The following GALNT13 variants were observed in gnomAD, a reference collection of about 807,000 sequenced individuals.
GALNT13 encodes UDP-GalNAc:polypeptide N-acetylgalactosaminyltransferase 13.
In GALNT13, 28 loss-of-function variants were observed where a neutral mutation model predicts 64.2. That is an observed-to-expected ratio of 0.44 (90% CI 0.32 to 0.60). GALNT13 has a LOEUF of 0.60. Among genes scored for constraint, GALNT13 ranks in the 20% least tolerant of loss-of-function variants. The probability of loss-of-function intolerance (pLI) is 0.05; values close to 1 mark genes in which losing one functional copy is unlikely to be tolerated. For missense variants in GALNT13, 577 were observed against 669.8 expected (o/e 0.86, Z 1.53); for synonymous variants, 214 against 224.6 (o/e 0.95, Z 0.42).
At chr2:154,196,517 G>A (rs1018135348) in intron 4 of GALNT13, among the ~76,000 whole-genome samples, 15 of 152,132 alleles carry the variant, frequency 9.9e-5, no homozygotes, top group Non-Finnish European at 1.9e-4. Flanking sequence ...GCTATTCATA[G>A]ATTCAGAGGC....
chr2:154,298,170 A>G (rs560587363), intron 8 of GALNT13, among the ~76,000 whole-genome samples: 2 of 151,874 alleles, frequency 1.3e-5, no homozygotes, highest in South Asian at 2.1e-4. Context: ...AAAAATGGAT[A>G]AACATATAAG....
intron 8 of GALNT13, among the ~76,000 whole-genome samples, chr2:154,272,299 G>A (rs1319216628): frequency 2.0e-5 from 3 of 152,020 alleles, no homozygotes; most frequent in African/African-American, 7.2e-5. Context: ...CAGATACAAG[G>A]ATATTTTAAA....
chr2:153,579,286 T>C, the GALNT13 span, among the ~76,000 whole-genome samples: 1 of 152,100 alleles, frequency 6.6e-6, no homozygotes, highest in Non-Finnish European at 1.5e-5. Context: ...CAGATTTTTT[T>C]TTTCTAATAT....
chr2:154,131,023 G>A (rs139862667), intron 3 of GALNT13, among the ~76,000 whole-genome samples: 848 of 152,240 alleles, frequency 5.6e-3, no homozygotes, highest in Middle Eastern at 0.014. Flanking sequence ...GGGAAGATAA[G>A]GATATTTCCT....
the GALNT13 span, among the ~76,000 whole-genome samples, chr2:153,749,860 C>G: frequency 4.0e-5 from 6 of 151,834 alleles, no homozygotes; most frequent in Non-Finnish European, 1.5e-5. Flanking sequence ...ACAACCAATA[C>G]TATATTGAAT....
chr2:154,097,169 A>G lies in GALNT13; in HGVS notation c.143-43168A>G, dbSNP rs1217221451. 3.3e-5 allele frequency among the ~76,000 whole-genome samples: 5 copies of G among 152,026 alleles called. 1 individual carries two copies. In the South Asian group the frequency reaches 1.0e-3, roughly 31 times the overall value. On this transcript the variant is annotated intron_variant, in intron 3 of 12. Coordinates refer to ENST00000392825, the MANE Select transcript of GALNT13 (RefSeq NM_052917.4). ...TAATGCTAAACTATTGTTTCAATGA[A>G]GTGTTATCGAGTGCTTACTATGTTC...
the GALNT13 span, among the ~76,000 whole-genome samples, chr2:153,109,633 C>A: frequency 3.3e-5 from 5 of 152,114 alleles, no homozygotes; most frequent in African/African-American, 1.2e-4. Context: ...ACTGATCTTC[C>A]TAAGCTATTG....
chr2:153,907,373 C>T lies in GALNT13; in HGVS notation c.-105+6366C>T, dbSNP rs142808106. On this transcript the variant is annotated intron_variant, in intron 2 of 12. Coordinates refer to ENST00000392825, the MANE Select transcript of GALNT13 (RefSeq NM_052917.4). ...TGTATCATATACATATAATTACATA[C>T]ATAATAATACATACATATTATATAC... is the stretch of plus-strand genomic sequence containing the variant. Among the ~76,000 whole-genome samples the T allele has an allele frequency of 6.5e-3, 986 of 151,802 alleles. 8 individuals are homozygous for T. Among genetic ancestry groups the T allele is most frequent in the African/African-American group, 0.022 (913 of 41,430 alleles).
At chr2:153,361,571 A>G in the GALNT13 span, among the ~76,000 whole-genome samples, 3 of 152,052 alleles carry the variant, frequency 2.0e-5, no homozygotes, top group African/African-American at 7.2e-5. Context: ...AACCTCATAA[A>G]GCATACACAA....
chr2:153,170,721 C>A, the GALNT13 span, among the ~76,000 whole-genome samples: 11 of 152,150 alleles, frequency 7.2e-5, no homozygotes, highest in Non-Finnish European at 1.2e-4. Context: ...CATTATCTAA[C>A]AAATGTTACC....
intron 4 of GALNT13, among the ~76,000 whole-genome samples, chr2:154,186,920 T>C (rs894102573): frequency 2.0e-5 from 3 of 152,082 alleles, no homozygotes; most frequent in African/African-American, 4.8e-5. Flanking sequence ...ATTGAGAAAG[T>C]ATCTTTCTGA....
At chr2:153,141,468 C>T in the GALNT13 span, among the ~76,000 whole-genome samples, 1 of 152,004 alleles carries the variant, frequency 6.6e-6, no homozygotes, top group Non-Finnish European at 1.5e-5. Context: ...GGCCTCCAGA[C>T]TTCTCAGCTG....
chr2:154,450,322 A>C, intron 12 of GALNT13, 89 bp from the exon 13 acceptor site: 1 of 1,185,870 alleles, frequency 8.4e-7, no homozygotes, highest in Non-Finnish European at 1.2e-6. Flanking sequence ...AAAAATCATA[A>C]AGGATTTTTT....
chr2:153,210,924 A>G, the GALNT13 span, among the ~76,000 whole-genome samples: 1 of 152,180 alleles, frequency 6.6e-6, no homozygotes, highest in Non-Finnish European at 1.5e-5. Flanking sequence ...TAACAATATA[A>G]TAGTAATAAT....
At chr2:153,699,370 G>T in the GALNT13 span, among the ~76,000 whole-genome samples, 1 of 152,060 alleles carries the variant, frequency 6.6e-6, no homozygotes, top group Non-Finnish European at 1.5e-5. Flanking sequence ...AGCACTAAAT[G>T]CCCTTATCAG....
intron 2 of GALNT13, among the ~76,000 whole-genome samples, chr2:153,921,888 G>T (rs1689783243): frequency 6.6e-6 from 1 of 151,604 alleles, no homozygotes; most frequent in Non-Finnish European, 1.5e-5. Context: ...AAAAGACTAT[G>T]GATGGCAAAT....
the GALNT13 span, among the ~76,000 whole-genome samples, chr2:153,631,818 C>A: frequency 9.9e-5 from 15 of 152,248 alleles, no homozygotes; most frequent in Admixed American, 8.5e-4. Flanking sequence ...TTAATTAGAT[C>A]CCATTTGTCA....
At chr2:153,687,297 T>C in the GALNT13 span, among the ~76,000 whole-genome samples, 1 of 152,010 alleles carries the variant, frequency 6.6e-6, no homozygotes, top group African/African-American at 2.4e-5. Flanking sequence ...TGATAAGCTA[T>C]TTAACACTGC....
At chr2:153,983,253 G>T (rs1694586984) in intron 3 of GALNT13, among the ~76,000 whole-genome samples, 3 of 151,696 alleles carry the variant, frequency 2.0e-5, no homozygotes, top group Admixed American at 6.6e-5. Context: ...AATTTTCAAA[G>T]AAATCTGATG....
Sources: allele counts gnomAD v4.1 joint callset (sites outside exome capture counted in the v4.1 genomes callset), GRCh38; gene constraint gnomAD v4.1.1; transcripts MANE v1.5; gene names NCBI Gene and HGNC (gene_info 2026-07-23, HGNC 2026-07-21).